Variants in CTTNBP2 observed in about 807,000 individuals in gnomAD.
CTTNBP2 encodes the protein cortactin-binding protein 2.
In CTTNBP2, 108 loss-of-function variants were observed where a neutral mutation model predicts 156.9. The observed-to-expected ratio is 0.69, with a 90% confidence interval of 0.59 to 0.81. CTTNBP2 has a LOEUF of 0.81. CTTNBP2 is among the 30% of genes least tolerant of loss of function. The probability of loss-of-function intolerance (pLI) is 0.00; values close to 1 mark genes in which losing one functional copy is unlikely to be tolerated. For synonymous variants in CTTNBP2, 767 were observed against 751.8 expected (o/e 1.02, Z -0.33); for missense variants, 1,924 against 2,035.4 (o/e 0.95, Z 1.05).
chr7:117,728,605 AT>A (rs1795234560), intron 16 of CTTNBP2, among the ~76,000 whole-genome samples: 1 of 152,200 alleles, frequency 6.6e-6, no homozygotes, highest in Non-Finnish European at 1.5e-5. Context: ...GTCTATTTAT[AT>A]TTTTTATTAA....
chr7:117,771,688 A>G (rs1797804843), intron 8 of CTTNBP2, among the ~76,000 whole-genome samples: 1 of 152,252 alleles, frequency 6.6e-6, no homozygotes, highest in Admixed American at 6.5e-5. Flanking sequence ...TCACTGACTC[A>G]GCAAACATTT....
At chr7:117,795,606 T>C (rs1304608594) in intron 3 of CTTNBP2, among the ~76,000 whole-genome samples, 1 of 152,216 alleles carries the variant, frequency 6.6e-6, no homozygotes, top group Non-Finnish European at 1.5e-5. Flanking sequence ...TCTCACTGTA[T>C]CTCACATCTT....
intron 4 of CTTNBP2, among the ~76,000 whole-genome samples, 170 bp downstream of exon 4, chr7:117,790,958 C>A (rs1041642701): frequency 6.7e-6 from 1 of 150,342 alleles, no homozygotes. Flanking sequence ...ATCACCATAC[C>A]CTGGAGCCTT....
intron 2 of CTTNBP2, among the ~76,000 whole-genome samples, chr7:117,820,148 C>T (rs745473074): frequency 3.3e-5 from 5 of 152,232 alleles, no homozygotes; most frequent in Non-Finnish European, 7.3e-5. Context: ...TATTCCCTAA[C>T]TAGGTCAAGA....
At chr7:117,838,962 G>A (rs549867374) in intron 2 of CTTNBP2, among the ~76,000 whole-genome samples, 8 of 74,708 alleles carry the variant, frequency 1.1e-4, no homozygotes, top group African/African-American at 1.8e-4. Flanking sequence ...GTAACATTGC[G>A]GGGGCGGGGG....
In CTTNBP2 at chr7:117,721,142, GA is replaced by G. The variant is rs757504537; in HGVS notation, c.4448-13del. The stretch of plus-strand genomic sequence containing the variant: ...CTTATTTTTCATACCTGTTAAAAAA[GA>G]GAACCATTTTCAATAGATCATTATC... On this transcript the variant is annotated splice_polypyrimidine_tract_variant and intron_variant, in intron 19 of 22. Coordinates refer to ENST00000160373, the MANE Select transcript of CTTNBP2 (RefSeq NM_033427.3). 1.3e-6 allele frequency: 2 copies of G among 1,507,370 alleles called. No individual in the cohort carries two copies. Among genetic ancestry groups the G allele is most frequent in the African/African-American group, 2.7e-5 (2 of 72,756 alleles). 93.4% of individuals were successfully genotyped at this position (1,507,370 alleles called of 1,614,324 possible).
At chr7:117,841,416 CTT>C (rs368554803) in intron 2 of CTTNBP2, among the ~76,000 whole-genome samples, 2 of 149,478 alleles carry the variant, frequency 1.3e-5, no homozygotes, top group Admixed American at 6.7e-5. Flanking sequence ...TACTTTCTGT[CTT>C]TTTTTTTTCC....
intron 14 of CTTNBP2, among the ~76,000 whole-genome samples, chr7:117,745,620 A>AACAACAAAAG (rs1796282907): frequency 1.3e-5 from 2 of 151,616 alleles, no homozygotes; most frequent in African/African-American, 2.4e-5. Flanking sequence ...ATTAATGATT[A>AACAACAAAAG]ATAACAAAAA....
At chr7:117,872,845 C>T (rs761700535) in intron 1 of CTTNBP2, among the ~76,000 whole-genome samples, 41 of 152,178 alleles carry the variant, frequency 2.7e-4, no homozygotes, top group Non-Finnish European at 5.0e-4. Flanking sequence ...ATGGGCATCC[C>T]CACACCTGCT....
intron 2 of CTTNBP2, among the ~76,000 whole-genome samples, chr7:117,849,316 T>C (rs934378213): frequency 6.6e-6 from 1 of 152,230 alleles, no homozygotes; most frequent in Non-Finnish European, 1.5e-5. Context: ...AGAGGACTTG[T>C]GGAAACACGG....
chr7:117,871,876 C>CACACA, intron 1 of CTTNBP2: 52 of 238,452 alleles, frequency 2.2e-4, no homozygotes, highest in South Asian at 9.8e-4. Context: ...ACACACACAC[C>CACACA]CTCTTTCTTT....
chr7:117,840,010 T>C (rs553199061), intron 2 of CTTNBP2, among the ~76,000 whole-genome samples: 1 of 152,344 alleles, frequency 6.6e-6, no homozygotes, highest in South Asian at 2.1e-4. Flanking sequence ...TATAGATTAA[T>C]AAATACATAC....
At chr7:117,835,311 T>G (rs1398366107) in intron 2 of CTTNBP2, among the ~76,000 whole-genome samples, 9 of 152,212 alleles carry the variant, frequency 5.9e-5, no homozygotes, top group African/African-American at 1.9e-4. Flanking sequence ...GCTGACATCT[T>G]ATATGTTTTA....
chr7:117,770,024 G>A (rs1404304712), intron 8 of CTTNBP2, among the ~76,000 whole-genome samples: 1 of 152,076 alleles, frequency 6.6e-6, no homozygotes, highest in Non-Finnish European at 1.5e-5. Context: ...TATATTCTTG[G>A]CCTGTACTAA....
At position 117,833,191 on chromosome 7, in the gene CTTNBP2, C is replaced by G. The variant is rs988362693; in HGVS notation, c.190-22202G>C. Among the ~76,000 whole-genome samples, 2 of 152,280 alleles carry G rather than the reference C, an allele frequency of 1.3e-5. 1 individual carries two copies. The highest frequency in any genetic ancestry group is 6.8e-3 in the Middle Eastern group (2 of 294). ...CAGGAATCTGCTGAAATTATTCAAA[C>G]TAGCTAATCTCAATCCTGCTTTCCC... On this transcript the variant is annotated intron_variant, in intron 2 of 22. Transcript: ENST00000160373.
chr7:117,724,527 T>C lies in CTTNBP2; in HGVS notation c.4447+20A>G, dbSNP rs1794978732. On this transcript the variant is annotated intron_variant, in intron 19 of 22. Coordinates refer to ENST00000160373, the MANE Select transcript of CTTNBP2 (RefSeq NM_033427.3). The stretch of plus-strand genomic sequence containing the variant: ...TATGTCCACCTCCTGGTAGGCAACA[T>C]GCCTACCCCCGCCCTTTACCTTCAG... 1 of 1,586,946 alleles carries C rather than the reference T, an allele frequency of 6.3e-7. No individual in the cohort carries two copies. The highest frequency in any genetic ancestry group is 8.6e-7 in the Non-Finnish European group (1 of 1,167,332).
chr7:117,871,740 T>A (rs951451675), intron 1 of CTTNBP2: 1 of 173,190 alleles, frequency 5.8e-6, no homozygotes, highest in African/African-American at 2.4e-5. Context: ...CAGAAACCCA[T>A]TCTGAGTGGA....
At chr7:117,714,513 A>C (rs552209099) in intron 22 of CTTNBP2, among the ~76,000 whole-genome samples, 2 of 152,186 alleles carry the variant, frequency 1.3e-5, no homozygotes, top group African/African-American at 2.4e-5. Flanking sequence ...TCAAATCTAC[A>C]GAGTTAATTA....
chr7:117,839,356 C>T (rs1802143739), intron 2 of CTTNBP2, among the ~76,000 whole-genome samples: 2 of 152,150 alleles, frequency 1.3e-5, no homozygotes, highest in South Asian at 2.1e-4. Context: ...AATTTCCTAA[C>T]GTCACACAGC....
Sources: gnomAD v4.1 joint callset for allele counts (sites outside exome capture counted in the v4.1 genomes callset) on GRCh38, gnomAD v4.1.1 for gene constraint, MANE v1.5 for transcripts, NCBI Gene and HGNC (gene_info 2026-07-23, HGNC 2026-07-21) for gene names.